RTRAF: variants seen among roughly 807,000 people sequenced by gnomAD.
RTRAF encodes the protein RNA transcription, translation and transport factor.
Under a neutral mutation model 34.4 loss-of-function variants are expected in RTRAF, and 14 were observed. The ratio of observed to expected loss-of-function variants is 0.41; its 90% CI spans 0.27 to 0.64. The LOEUF is 0.64. RTRAF is among the 30% of genes least tolerant of loss of function. The pLI, the probability that RTRAF is intolerant of heterozygous loss-of-function variation, is 0.34. For missense variants in RTRAF, 291 were observed against 288.4 expected (o/e 1.01, Z -0.06); for synonymous variants, 96 against 95.3 (o/e 1.01, Z -0.04).
Position 52,004,573 on chromosome 14 carries a change from T to C in RTRAF, c.*57T>C, listed in dbSNP as rs1890680275. On this transcript the variant is annotated 3_prime_UTR_variant, in exon 8 of 8. Coordinates refer to ENST00000261700, the MANE Select transcript of RTRAF (RefSeq NM_016039.3). The stretch of plus-strand genomic sequence containing the variant: ...AGTACAGTTGGGAACCATACACTTC[T>C]GGCATGTTTGGAAATCAAAATGTCA... 2.7e-6 allele frequency: 4 copies of C among 1,472,052 alleles called. No individual in the cohort carries two copies. Among genetic ancestry groups the C allele is most frequent in the Non-Finnish European group, 2.7e-6 (3 of 1,098,850 alleles). 91.2% of individuals were successfully genotyped at this position (1,472,052 alleles called of 1,614,324 possible).
At chr14:51,994,155 A>G (rs569803814) in intron 3 of RTRAF, among the ~76,000 whole-genome samples, 2 of 152,318 alleles carry the variant, frequency 1.3e-5, no homozygotes, top group South Asian at 2.1e-4. Flanking sequence ...GCAGTAGGTA[A>G]TTTCTCAAAA....
rs183368526 is a variant in RTRAF at position 52,004,692 on chromosome 14, T to G, written c.*176T>G. 2 of 588,096 alleles carry G rather than the reference T, an allele frequency of 3.4e-6. No individual in the cohort carries two copies. The highest frequency in any genetic ancestry group is 7.2e-5 in the Admixed American group (2 of 27,670). 36.4% of individuals were successfully genotyped at this position (588,096 alleles called of 1,614,324 possible). ...TTTTCTTTAATAAAGTTTAGGAAAGTAGAATTTTTATTATGTACTGTATGT... is the reference window on the plus strand; with the variant it reads ...TTTTCTTTAATAAAGTTTAGGAAAGGAGAATTTTTATTATGTACTGTATGT... On this transcript the variant is annotated 3_prime_UTR_variant, in exon 8 of 8. Coordinates refer to ENST00000261700, the MANE Select transcript of RTRAF (RefSeq NM_016039.3).
In RTRAF at chr14:52,009,740, A is replaced by G. The variant is rs1273733605; in HGVS notation, c.*5224A>G. 6.6e-6 allele frequency: 1 copy of G among 152,262 alleles called. No individual in the cohort carries two copies. Among genetic ancestry groups the G allele is most frequent in the Admixed American group, 6.5e-5 (1 of 15,276 alleles). The allele number at this position is 152,262 out of a possible 1,614,324, so 9.4% of individuals were successfully genotyped here. A position where few individuals can be genotyped will look rare whatever the true frequency, so the allele number is the denominator to read the frequency against. On this transcript the variant is annotated 3_prime_UTR_variant, in exon 8 of 8. Coordinates refer to ENST00000261700, the MANE Select transcript of RTRAF (RefSeq NM_016039.3). ...GCCGGGCGCAGTGGCTCATACCTAT[A>G]ATCCCAGCACTTTGGGAGGCCAAGG...
At chr14:51,992,277 T>G (rs1319003114) in intron 2 of RTRAF, among the ~76,000 whole-genome samples, 1 of 152,374 alleles carries the variant, frequency 6.6e-6, no homozygotes, top group East Asian at 1.9e-4. Context: ...ATGAGTGAGA[T>G]ATTTTTCTTG....
rs548626918 is a variant in RTRAF at position 52,000,914 on chromosome 14, A to C, written c.463-884A>C. On this transcript the variant is annotated intron_variant, in intron 5 of 7. Transcript: ENST00000261700. ...TCAAAACCCAAGGGGATAAAGTATA[A>C]ATCAACTACAACAAAATGCTATAAA... 1.8e-4 allele frequency among the ~76,000 whole-genome samples: 28 copies of C among 152,308 alleles called. 1 individual carries two copies. Among genetic ancestry groups the C allele is most frequent in the African/African-American group, 6.7e-4 (28 of 41,562 alleles).
chr14:51,998,384 A>G (rs1167099710), intron 3 of RTRAF, 110 bp from the exon 4 acceptor site: 6 of 585,830 alleles, frequency 1.0e-5, no homozygotes, highest in South Asian at 5.8e-5. Flanking sequence ...ATTTCCAGTA[A>G]GGGAAACTCA....
rs1286062674 is a variant in RTRAF, at chr14:52,009,496, T to G, written c.*4980T>G. 1.3e-5 allele frequency: 2 copies of G among 152,184 alleles called. No homozygotes were observed. The highest frequency in any genetic ancestry group is 4.8e-5 in the African/African-American group (2 of 41,446). The allele number at this position is 152,184 out of a possible 1,614,324, so 9.4% of individuals were successfully genotyped here. On this transcript the variant is annotated 3_prime_UTR_variant, in exon 8 of 8. Transcript: ENST00000261700. ...TGTTATATTGCAACCTGGTTCAAGG[T>G]GGGTTTTCTTTTTATTAAAAATTCA...
Position 52,001,861 on chromosome 14 carries a change from A to G in RTRAF, c.526A>G (p.Lys176Glu). The change falls in exon 6 of 8, where the codon AAA (lysine) becomes GAA (glutamate). Residue 176 changes from lysine (K) to glutamate (E), a missense_variant. Coordinates refer to ENST00000261700, the MANE Select transcript of RTRAF (RefSeq NM_016039.3). Reference sequence around the variant, plus strand: ...TGCAGTTGCTAAGGCAAATCAAACAAAAGAGGTACGTTTCTATAAATCCTA... The same window carrying G: ...TGCAGTTGCTAAGGCAAATCAAACAGAAGAGGTACGTTTCTATAAATCCTA... ...QDAVAKANQT[K>E]EGLPVALDKH... The G allele has an allele frequency of 6.2e-7, 1 of 1,608,988 alleles. No homozygotes were observed. Among genetic ancestry groups the G allele is most frequent in the Non-Finnish European group, 8.5e-7 (1 of 1,178,414 alleles).
In RTRAF at chr14:52,005,797, G is replaced by C; in HGVS notation, c.*1281G>C. ...TAGAGGTGAGATCGTTGTTCTGGGAGATACTCATCAGTAAACTGGCCACTA... is the reference window on the plus strand; with the variant it reads ...TAGAGGTGAGATCGTTGTTCTGGGACATACTCATCAGTAAACTGGCCACTA... On this transcript the variant is annotated 3_prime_UTR_variant, in exon 8 of 8. Coordinates refer to ENST00000261700, the MANE Select transcript of RTRAF (RefSeq NM_016039.3). The C allele has an allele frequency of 6.2e-7, 1 of 1,613,916 alleles. No individual in the cohort carries two copies. Among genetic ancestry groups the C allele is most frequent in the Non-Finnish European group, 8.5e-7 (1 of 1,179,802 alleles).
chr14:51,995,246 A>G (rs1168082265), intron 3 of RTRAF, among the ~76,000 whole-genome samples: 5 of 151,868 alleles, frequency 3.3e-5, no homozygotes, highest in Non-Finnish European at 7.4e-5. Flanking sequence ...CACTGGGTTC[A>G]TGTCAAGTTG....
Position 52,007,846 on chromosome 14 carries a change from C to CA in RTRAF, c.*3333dup. On this transcript the variant is annotated 3_prime_UTR_variant, in exon 8 of 8. Transcript: ENST00000261700. Reference sequence around the variant, plus strand: ...CAGCAGAGCAGTTTAGAGAAAGGGTCAAAGGTTAAGCCATTGGGCAATCCA... The same window carrying CA: ...CAGCAGAGCAGTTTAGAGAAAGGGTCAAAAGGTTAAGCCATTGGGCAATCCA... 6.2e-7 allele frequency: 1 copy of CA among 1,613,904 alleles called. No homozygotes were observed. The highest frequency in any genetic ancestry group is 8.5e-7 in the Non-Finnish European group (1 of 1,179,934).
intron 3 of RTRAF, among the ~76,000 whole-genome samples, chr14:51,994,761 AAAGAATTTT>A (rs1890491904): frequency 6.6e-6 from 1 of 152,286 alleles, no homozygotes; most frequent in South Asian, 2.1e-4. Flanking sequence ...TTTTCTATAA[AAAGAATTTT>A]AAGCTCCTTA....
At chr14:51,997,298 AT>A (rs767277985) in intron 3 of RTRAF, among the ~76,000 whole-genome samples, 1 of 151,768 alleles carries the variant, frequency 6.6e-6, no homozygotes, top group Non-Finnish European at 1.5e-5. Context: ...TAATTTCATC[AT>A]TTTTTCTACA....
intron 6 of RTRAF, among the ~76,000 whole-genome samples, chr14:52,002,858 C>T (rs1225114196): frequency 2.6e-5 from 4 of 152,168 alleles, no homozygotes; most frequent in African/African-American, 9.7e-5. Context: ...GGCAGTATCT[C>T]TGAAAGACAC....
rs1310455222 is a variant in RTRAF at position 52,008,948 on chromosome 14, A to G, written c.*4432A>G. 6.6e-6 allele frequency: 1 copy of G among 152,232 alleles called. No individual in the cohort carries two copies. The highest frequency in any genetic ancestry group is 1.5e-5 in the Non-Finnish European group (1 of 68,040). 9.4% of individuals were successfully genotyped at this position (152,232 alleles called of 1,614,324 possible). A position where few individuals can be genotyped will look rare whatever the true frequency, so the allele number is the denominator to read the frequency against. Reference sequence around the variant, plus strand: ...TCATAACAGATACTAACGAGGAAATATGGTCCTATTAAGTGGAAATAGGTT... The same window carrying G: ...TCATAACAGATACTAACGAGGAAATGTGGTCCTATTAAGTGGAAATAGGTT... On this transcript the variant is annotated 3_prime_UTR_variant, in exon 8 of 8. Transcript: ENST00000261700.
intron 1 of RTRAF, among the ~76,000 whole-genome samples, chr14:51,990,335 T>A (rs1890412735): frequency 6.6e-6 from 1 of 152,222 alleles, no homozygotes; most frequent in South Asian, 2.1e-4. Flanking sequence ...AGCATTAGAA[T>A]TTTAAAAAGT....
At position 52,008,457 on chromosome 14, in the gene RTRAF, C is replaced by G. The variant is rs1424433876; in HGVS notation, c.*3941C>G. 6.5e-6 allele frequency: 1 copy of G among 152,790 alleles called. No individual in the cohort carries two copies. The highest frequency in any genetic ancestry group is 1.5e-5 in the Non-Finnish European group (1 of 68,472). 9.5% of individuals were successfully genotyped at this position (152,790 alleles called of 1,614,324 possible). On this transcript the variant is annotated 3_prime_UTR_variant, in exon 8 of 8. Transcript: ENST00000261700. ...AGCTCGGTGAAGACACACTTGGATT[C>G]CTGACTCACAGAAACTGTGAGACTA... is the stretch of plus-strand genomic sequence containing the variant.
At chr14:51,999,088 C>T (rs1210377154) in intron 4 of RTRAF, among the ~76,000 whole-genome samples, 2 of 151,914 alleles carry the variant, frequency 1.3e-5, no homozygotes, top group African/African-American at 4.8e-5. Flanking sequence ...AGAGCTGCTG[C>T]TTAGAGAGAA....
At chr14:52,001,755 GT>G (rs1890604762) in intron 5 of RTRAF, 42 bp from the exon 6 acceptor site, 7 of 1,523,650 alleles carry the variant, frequency 4.6e-6, no homozygotes, top group African/African-American at 1.4e-5. Flanking sequence ...AGGATGACAG[GT>G]ACACAGCCTA....
Sources: allele counts gnomAD v4.1 joint callset (sites outside exome capture counted in the v4.1 genomes callset), GRCh38; gene constraint gnomAD v4.1.1; transcripts MANE v1.5; gene names NCBI Gene and HGNC (gene_info 2026-07-23, HGNC 2026-07-21).